Variants in IMMP2L observed in about 807,000 individuals in gnomAD.
The protein encoded by IMMP2L is inner mitochondrial membrane peptidase subunit 2, also known as mitochondrial inner membrane protease subunit 2.
A neutral mutation model predicts 19.3 loss-of-function variants in IMMP2L; 18 were observed. That is an observed-to-expected ratio of 0.93 (90% CI 0.64 to 1.38). The LOEUF is 1.38. IMMP2L is among the 40% of genes most tolerant of loss of function. The pLI, the probability that IMMP2L is intolerant of heterozygous loss-of-function variation, is 0.00. For missense variants in IMMP2L, 233 were observed against 218.2 expected, an observed-to-expected ratio of 1.07 and a Z score of -0.43; for synonymous variants, 76 against 73.0, an observed-to-expected ratio of 1.04 and a Z score of -0.21.
intron 3 of IMMP2L, among the ~76,000 whole-genome samples, chr7:111,111,814 T>C (rs1799238794): frequency 6.6e-6 from 1 of 151,668 alleles, no homozygotes; most frequent in Admixed American, 6.6e-5. Context: ...AACTCCATCC[T>C]GGGCGACAAA....
chr7:110,989,662 T>G (rs1822249300), intron 3 of IMMP2L, among the ~76,000 whole-genome samples: 1 of 150,740 alleles, frequency 6.6e-6, no homozygotes, highest in Non-Finnish European at 1.5e-5. Flanking sequence ...ATAAAATATT[T>G]CTAAATAAAA....
At position 110,842,549 on chromosome 7, in the gene IMMP2L, C is replaced by T. The variant is rs117852733; in HGVS notation, c.408+44044G>A. On this transcript the variant is annotated intron_variant, in intron 5 of 5. Transcript: ENST00000405709. ...TCAAGCCTCAGGCTCTATTGTTGTACGTGGCAGCTTATTGTGTTTTTAACC... is the reference window on the plus strand; with the variant it reads ...TCAAGCCTCAGGCTCTATTGTTGTATGTGGCAGCTTATTGTGTTTTTAACC... Among the ~76,000 whole-genome samples the T allele has an allele frequency of 4.3e-4, 65 of 152,238 alleles. 2 individuals are homozygous for T. The East Asian group carries it at 0.012, about 28-fold the overall frequency.
chr7:111,160,260 A>T (rs1186839530), intron 3 of IMMP2L, among the ~76,000 whole-genome samples: 2 of 152,098 alleles, frequency 1.3e-5, no homozygotes, highest in African/African-American at 4.8e-5. Flanking sequence ...AAGTTATCCA[A>T]AAATATTATA....
chr7:111,059,723 CAGG>C (rs1433940900), intron 3 of IMMP2L, among the ~76,000 whole-genome samples: 6 of 152,108 alleles, frequency 3.9e-5, no homozygotes, highest in Non-Finnish European at 8.8e-5. Context: ...AAAATTTTAA[CAGG>C]AGACCACAAA....
rs117580671 is a variant in IMMP2L, at chr7:110,673,512, A to C, written c.409-9791T>G. On this transcript the variant is annotated intron_variant, in intron 5 of 5. Coordinates refer to ENST00000405709, the MANE Select transcript of IMMP2L (RefSeq NM_032549.4). ...GGGTTGAATTTTTCCCAAGAAAATGAGTTTTTCTTTTCTACTGCATCATCA... is the reference window on the plus strand; with the variant it reads ...GGGTTGAATTTTTCCCAAGAAAATGCGTTTTTCTTTTCTACTGCATCATCA... Among the ~76,000 whole-genome samples, 507 of 152,320 alleles carry C rather than the reference A, an allele frequency of 3.3e-3. 1 individual carries two copies. The highest frequency in any genetic ancestry group is 5.2e-3 in the Non-Finnish European group (355 of 68,036).
intron 4 of IMMP2L, among the ~76,000 whole-genome samples, chr7:110,945,787 G>C (rs1427112088): frequency 1.3e-5 from 2 of 152,128 alleles, no homozygotes; most frequent in Non-Finnish European, 2.9e-5. Context: ...TAGGGTGGAG[G>C]TTGTGAGCAG....
chr7:110,669,963 T>C lies in IMMP2L; in HGVS notation c.409-6242A>G, dbSNP rs144743232. ...GGTCCCACGTTCTTTCCTGAAAAAA[T>C]AGACTCATCAATAAGTAAGTACACA... is the stretch of plus-strand genomic sequence containing the variant. On this transcript the variant is annotated intron_variant, in intron 5 of 5. Coordinates refer to ENST00000405709, the MANE Select transcript of IMMP2L (RefSeq NM_032549.4). 8.6e-4 allele frequency among the ~76,000 whole-genome samples: 131 copies of C among 152,294 alleles called. 1 individual carries two copies. The highest frequency in any genetic ancestry group is 2.9e-3 in the African/African-American group (120 of 41,570).
At chr7:111,184,500 A>G (rs941208348) in intron 3 of IMMP2L, among the ~76,000 whole-genome samples, 1 of 152,108 alleles carries the variant, frequency 6.6e-6, no homozygotes, top group Non-Finnish European at 1.5e-5. Flanking sequence ...AAGCATTGAA[A>G]GGAACTTCCC....
intron 5 of IMMP2L, among the ~76,000 whole-genome samples, chr7:110,682,194 T>C (rs927338279): frequency 6.6e-6 from 1 of 152,168 alleles, no homozygotes; most frequent in African/African-American, 2.4e-5. Context: ...TACATACTTT[T>C]GTTTCTGCCT....
intron 3 of IMMP2L, among the ~76,000 whole-genome samples, chr7:111,228,964 TGC>T (rs1362826279): frequency 9.4e-6 from 1 of 106,478 alleles, no homozygotes; most frequent in South Asian, 2.9e-4. Context: ...ACACTAGCAA[TGC>T]GTGTGTGTGT....
chr7:110,832,695 T>C (rs978452228), intron 5 of IMMP2L, among the ~76,000 whole-genome samples: 9 of 152,260 alleles, frequency 5.9e-5, no homozygotes, highest in Admixed American at 5.2e-4. Context: ...ATAAAAAGTT[T>C]CTTTTGTTCA....
At chr7:110,792,686 C>G (rs1335988324) in intron 5 of IMMP2L, among the ~76,000 whole-genome samples, 4 of 152,060 alleles carry the variant, frequency 2.6e-5, no homozygotes, top group African/African-American at 4.8e-5. Flanking sequence ...ACATCATTAT[C>G]TCCCAAAGTC....
intron 2 of IMMP2L, among the ~76,000 whole-genome samples, chr7:111,517,117 T>TA (rs983601314): frequency 1.0e-4 from 15 of 150,442 alleles, no homozygotes; most frequent in African/African-American, 3.4e-4. Context: ...TAAAATTTTT[T>TA]AAAAAAAACA....
intron 3 of IMMP2L, among the ~76,000 whole-genome samples, chr7:111,331,551 G>A (rs1314571291): frequency 3.3e-5 from 5 of 151,740 alleles, no homozygotes; most frequent in African/African-American, 1.2e-4. Flanking sequence ...ATTGCTAAGA[G>A]AGTAACATTC....
At chr7:110,693,899 T>A (rs887972249) in intron 5 of IMMP2L, among the ~76,000 whole-genome samples, 1 of 152,152 alleles carries the variant, frequency 6.6e-6, no homozygotes, top group Admixed American at 6.5e-5. Context: ...GTAGCAATAA[T>A]GCAAGGGAGG....
intron 4 of IMMP2L, among the ~76,000 whole-genome samples, chr7:110,919,055 C>T (rs561433097): frequency 8.5e-5 from 13 of 152,178 alleles, no homozygotes; most frequent in African/African-American, 2.9e-4. Context: ...ACAGCAGCAG[C>T]CACAGTGCAT....
In IMMP2L at chr7:110,926,604, G is replaced by A. The variant is rs192714171; in HGVS notation, c.305+36896C>T. On this transcript the variant is annotated intron_variant, in intron 4 of 5. Coordinates refer to ENST00000405709, the MANE Select transcript of IMMP2L (RefSeq NM_032549.4). ...CAATTAAAGGATGTATATGTATTCC[G>A]TTAATTTTTCTCATCTTTAAGTTTT... Among the ~76,000 whole-genome samples the A allele has an allele frequency of 5.3e-5, 8 of 152,082 alleles. No individual in the cohort carries two copies. The East Asian group carries it at 1.2e-3, about 22-fold the overall frequency.
At chr7:111,232,347 T>A (rs908432169) in intron 3 of IMMP2L, among the ~76,000 whole-genome samples, 1 of 150,976 alleles carries the variant, frequency 6.6e-6, no homozygotes, top group African/African-American at 2.4e-5. Context: ...TAATAATTAG[T>A]TCACTATATT....
intron 3 of IMMP2L, among the ~76,000 whole-genome samples, chr7:111,391,372 T>G (rs1441105636): frequency 1.3e-5 from 2 of 152,204 alleles, no homozygotes; most frequent in Non-Finnish European, 2.9e-5. Context: ...GTTCCCACAC[T>G]TATTACCATT....
Sources: gnomAD v4.1 joint callset for allele counts (sites outside exome capture counted in the v4.1 genomes callset) on GRCh38, gnomAD v4.1.1 for gene constraint, MANE v1.5 for transcripts, NCBI Gene and HGNC (gene_info 2026-07-23, HGNC 2026-07-21) for gene names.